HS6ST3: variants seen among roughly 807,000 people sequenced by gnomAD.
HS6ST3 encodes the protein heparan sulfate 6-O-sulfotransferase 3, also known as heparan-sulfate 6-O-sulfotransferase 3.
In HS6ST3, 12 loss-of-function variants were observed where a neutral mutation model predicts 36.7. That is an observed-to-expected ratio of 0.33 (90% CI 0.21 to 0.53). The LOEUF (loss-of-function observed/expected upper bound fraction) is 0.53, where lower values mean the gene tolerates loss of function less well. HS6ST3 is among the 20% of genes least tolerant of loss of function. The pLI is 0.95. For synonymous variants in HS6ST3, 240 were observed against 257.5 expected (o/e 0.93, Z 0.65); for missense variants, 584 against 640.9 (o/e 0.91, Z 0.96).
chr13:96,308,683 T>C (rs1482782263), intron 1 of HS6ST3, among the ~76,000 whole-genome samples: 1 of 152,164 alleles, frequency 6.6e-6, no homozygotes, highest in Non-Finnish European at 1.5e-5. Flanking sequence ...CTGTATGCTC[T>C]TAAGTCTGGT....
chr13:96,763,341 A>G lies in HS6ST3; in HGVS notation c.708-69149A>G, dbSNP rs149165828. Among the ~76,000 whole-genome samples the G allele has an allele frequency of 8.3e-3, 1,244 of 150,198 alleles. 11 individuals carry two copies. The highest frequency in any genetic ancestry group is 0.027 in the African/African-American group (1,124 of 41,204). On this transcript the variant is annotated intron_variant, in intron 1 of 1. Coordinates refer to ENST00000376705, the MANE Select transcript of HS6ST3 (RefSeq NM_153456.4). The stretch of plus-strand genomic sequence containing the variant: ...GGTTTAATATGAATATATTTATATA[A>G]CTAGCAGGGAGTCATGGCACACACC...
chr13:96,279,328 A>T (rs2054763516), intron 1 of HS6ST3, among the ~76,000 whole-genome samples: 1 of 152,174 alleles, frequency 6.6e-6, no homozygotes, highest in South Asian at 2.1e-4. Context: ...TCATATATTT[A>T]TTGAACACAT....
At chr13:96,771,367 A>T (rs1363188335) in intron 1 of HS6ST3, among the ~76,000 whole-genome samples, 1 of 152,084 alleles carries the variant, frequency 6.6e-6, no homozygotes, top group Non-Finnish European at 1.5e-5. Flanking sequence ...ACATGTATAC[A>T]TATGTAACAA....
Position 96,494,812 on chromosome 13 carries a change from A to G in HS6ST3, c.708-337678A>G, listed in dbSNP as rs115651755. The stretch of plus-strand genomic sequence containing the variant: ...AGGTGATGGAATAAAACTGACTGCT[A>G]TATTGTTCCTGGTCCTACTTATCTG... On this transcript the variant is annotated intron_variant, in intron 1 of 1. Coordinates refer to ENST00000376705, the MANE Select transcript of HS6ST3 (RefSeq NM_153456.4). 6.7e-3 allele frequency among the ~76,000 whole-genome samples: 1,015 copies of G among 152,292 alleles called. 12 individuals are homozygous for G. Among genetic ancestry groups the G allele is most frequent in the African/African-American group, 0.023 (976 of 41,566 alleles).
In HS6ST3 at chr13:96,090,815, T is replaced by G; in HGVS notation, c.-48T>G. On this transcript the variant is annotated 5_prime_UTR_variant, in exon 1 of 2. Transcript: ENST00000376705. ...CTTCCGAGCGGGCGCCCGTCCGCCC[T>G]GCCGCCGCCGCCGCCGCCGCTTCGC... 1.4e-6 allele frequency: 2 copies of G among 1,431,450 alleles called. No homozygotes were observed. Among genetic ancestry groups the G allele is most frequent in the South Asian group, 1.4e-5 (1 of 72,004 alleles). 88.7% of individuals were successfully genotyped at this position (1,431,450 alleles called of 1,614,324 possible). A position where few individuals can be genotyped will look rare whatever the true frequency, so the allele number is the denominator to read the frequency against.
At chr13:96,765,470 G>A (rs762774898) in intron 1 of HS6ST3, among the ~76,000 whole-genome samples, 2 of 152,168 alleles carry the variant, frequency 1.3e-5, no homozygotes, top group Non-Finnish European at 2.9e-5. Flanking sequence ...ATCAATGTAA[G>A]ATTTCTCTGG....
At chr13:96,623,800 A>G (rs1348936637) in intron 1 of HS6ST3, among the ~76,000 whole-genome samples, 2 of 152,128 alleles carry the variant, frequency 1.3e-5, no homozygotes, top group Non-Finnish European at 2.9e-5. Context: ...AAAGTGGAAC[A>G]CTGATGCCAA....
chr13:96,223,001 G>T (rs920733804), intron 1 of HS6ST3, among the ~76,000 whole-genome samples: 2 of 151,208 alleles, frequency 1.3e-5, no homozygotes, highest in Non-Finnish European at 2.9e-5. Context: ...CAGAATTTAT[G>T]ATGTGCATTT....
intron 1 of HS6ST3, among the ~76,000 whole-genome samples, chr13:96,731,252 T>C (rs1363708264): frequency 6.6e-6 from 1 of 152,220 alleles, no homozygotes; most frequent in Non-Finnish European, 1.5e-5. Flanking sequence ...CTTCCTCTAA[T>C]GATCCCAGTC....
At chr13:96,093,761 A>G (rs1372581210) in intron 1 of HS6ST3, among the ~76,000 whole-genome samples, 1 of 152,172 alleles carries the variant, frequency 6.6e-6, no homozygotes, top group Admixed American at 6.5e-5. Flanking sequence ...AAAAGTTGAA[A>G]GGATGTTAAC....
intron 1 of HS6ST3, among the ~76,000 whole-genome samples, chr13:96,299,671 A>G (rs1368954855): frequency 6.6e-6 from 1 of 152,186 alleles, no homozygotes; most frequent in Non-Finnish European, 1.5e-5. Flanking sequence ...GCACTTTAGC[A>G]TGAAGTCTAC....
intron 1 of HS6ST3, among the ~76,000 whole-genome samples, chr13:96,702,170 T>C (rs1016700515): frequency 6.6e-5 from 10 of 152,186 alleles, no homozygotes; most frequent in Non-Finnish European, 1.0e-4. Context: ...CATTGGGTTA[T>C]GGTTTCATTT....
chr13:96,281,152 C>T (rs538737573), intron 1 of HS6ST3, among the ~76,000 whole-genome samples: 31 of 152,098 alleles, frequency 2.0e-4, no homozygotes, highest in East Asian at 7.7e-4. Context: ...ACTACAGGTG[C>T]GCGCCACCAC....
intron 1 of HS6ST3, among the ~76,000 whole-genome samples, chr13:96,497,246 C>G (rs2055981751): frequency 6.6e-6 from 1 of 152,112 alleles, no homozygotes; most frequent in South Asian, 2.1e-4. Flanking sequence ...GCCTCGCCGT[C>G]TAGTGGGTAT....
At chr13:96,328,521 G>A (rs2055045628) in intron 1 of HS6ST3, among the ~76,000 whole-genome samples, 1 of 151,998 alleles carries the variant, frequency 6.6e-6, no homozygotes, top group South Asian at 2.1e-4. Context: ...TTGCATCCCA[G>A]GGATGAAGCC....
chr13:96,161,773 A>G (rs2054136929), intron 1 of HS6ST3, among the ~76,000 whole-genome samples: 1 of 152,236 alleles, frequency 6.6e-6, no homozygotes, highest in Non-Finnish European at 1.5e-5. Context: ...AAGCAGAAGC[A>G]CATAAGAGCA....
At chr13:96,377,509 T>A (rs2055320666) in intron 1 of HS6ST3, among the ~76,000 whole-genome samples, 1 of 152,204 alleles carries the variant, frequency 6.6e-6, no homozygotes, top group Admixed American at 6.6e-5. Context: ...ATTATTTAGA[T>A]CTTCTAGACA....
chr13:96,802,290 A>G (rs1044656205), intron 1 of HS6ST3, among the ~76,000 whole-genome samples: 3 of 152,166 alleles, frequency 2.0e-5, no homozygotes. Flanking sequence ...AGAATGAAAG[A>G]AAGAAAAGTG....
chr13:96,305,639 A>C (rs2054908390), intron 1 of HS6ST3, among the ~76,000 whole-genome samples: 1 of 152,160 alleles, frequency 6.6e-6, no homozygotes, highest in Non-Finnish European at 1.5e-5. Context: ...ACTGGGTCTT[A>C]TGTAAATCAT....
Sources: gnomAD v4.1 joint callset for allele counts (sites outside exome capture counted in the v4.1 genomes callset) on GRCh38, gnomAD v4.1.1 for gene constraint, MANE v1.5 for transcripts, NCBI Gene and HGNC (gene_info 2026-07-23, HGNC 2026-07-21) for gene names.